The following FOCAD variants were observed in gnomAD, a reference collection of about 807,000 sequenced individuals.
FOCAD encodes the protein focadhesin.
Under a neutral mutation model 225.6 loss-of-function variants are expected in FOCAD, and 198 were observed. That is an observed-to-expected ratio of 0.88 (90% CI 0.78 to 0.99). FOCAD has a LOEUF of 0.99. FOCAD is among the 50% of genes least tolerant of loss of function. The pLI, the probability that FOCAD is intolerant of heterozygous loss-of-function variation, is 0.00. For missense variants in FOCAD, 2,713 were observed against 2,123.6 expected (o/e 1.28, Z -5.46); for synonymous variants, 897 against 755.0 (o/e 1.19, Z -3.08).
intron 22 of FOCAD, among the ~76,000 whole-genome samples, chr9:20,910,721 G>A (rs1025453228): frequency 1.3e-5 from 2 of 152,054 alleles, no homozygotes; most frequent in African/African-American, 4.8e-5. Context: ...AGATGACTGA[G>A]TTGAATGCTG....
chr9:20,707,044 T>G (rs1824448684), intron 1 of FOCAD, among the ~76,000 whole-genome samples: 1 of 152,212 alleles, frequency 6.6e-6, no homozygotes, highest in East Asian at 1.9e-4. Flanking sequence ...ATATTCTTAC[T>G]GTACCATATT....
chr9:20,771,186 A>G (rs1286513083), intron 8 of FOCAD, among the ~76,000 whole-genome samples: 1 of 152,200 alleles, frequency 6.6e-6, no homozygotes, highest in African/African-American at 2.4e-5. Context: ...GGCTTGGCTT[A>G]TTCAAAAAAA....
chr9:20,937,636 A>G (rs1483493351), intron 28 of FOCAD, among the ~76,000 whole-genome samples: 1 of 152,178 alleles, frequency 6.6e-6, no homozygotes, highest in Non-Finnish European at 1.5e-5. Context: ...CTAGACGAAA[A>G]CCTAGACAAT....
At chr9:20,915,911 G>A (rs1833829351) in intron 23 of FOCAD, among the ~76,000 whole-genome samples, 1 of 152,032 alleles carries the variant, frequency 6.6e-6, no homozygotes, top group Admixed American at 6.6e-5. Context: ...ACATTGAATG[G>A]ACTATATTCC....
At chr9:20,817,156 T>C (rs184733529) in intron 11 of FOCAD, among the ~76,000 whole-genome samples, 31 of 152,330 alleles carry the variant, frequency 2.0e-4, no homozygotes, top group Admixed American at 1.6e-3. Flanking sequence ...GCTTTGCTTA[T>C]AGTAGATATT....
intron 11 of FOCAD, among the ~76,000 whole-genome samples, chr9:20,804,617 T>G (rs1822209999): frequency 6.6e-6 from 1 of 151,660 alleles, no homozygotes; most frequent in Non-Finnish European, 1.5e-5. Flanking sequence ...GCAAAAAGTG[T>G]TATTACACTG....
intron 11 of FOCAD, among the ~76,000 whole-genome samples, chr9:20,795,519 C>A (rs143659693): frequency 1.3e-5 from 2 of 151,240 alleles, no homozygotes; most frequent in African/African-American, 4.9e-5. Context: ...GGCACGCTGG[C>A]TCATGCCTGT....
intron 19 of FOCAD, among the ~76,000 whole-genome samples, chr9:20,876,130 TG>T (rs1193377350): frequency 1.3e-5 from 2 of 152,190 alleles, no homozygotes; most frequent in Non-Finnish European, 2.9e-5. Flanking sequence ...GAAAACTGAA[TG>T]GCCAAGTTAG....
intron 10 of FOCAD, among the ~76,000 whole-genome samples, chr9:20,789,150 G>T (rs1350221013): frequency 1.3e-5 from 2 of 152,090 alleles, no homozygotes; most frequent in African/African-American, 2.4e-5. Flanking sequence ...CTCTTCTGGA[G>T]TTCCATCTAA....
At chr9:20,836,760 CTG>C (rs1262507621) in intron 15 of FOCAD, among the ~76,000 whole-genome samples, 2 of 151,792 alleles carry the variant, frequency 1.3e-5, no homozygotes, top group Non-Finnish European at 2.9e-5. Context: ...TTTTAACTGA[CTG>C]TGTTATTTTT....
rs377398329 is a variant in FOCAD at position 20,865,975 on chromosome 9, A to G, written c.2105A>G (p.Lys702Arg). 28 of 1,606,214 alleles carry G rather than the reference A, an allele frequency of 1.7e-5. No individual in the cohort carries two copies. Among genetic ancestry groups the G allele is most frequent in the Non-Finnish European group, 2.4e-5 (28 of 1,176,532 alleles). Residue 702 changes from lysine (K) to arginine (R), a missense_variant and splice_region_variant, in exon 17 of 44, where the codon AAG becomes AGG. Transcript: ENST00000338382. ...LSFLWTHTQN[K>R]DPIVANAAYR... is the part of the protein sequence containing the mutation. ...TTCCTCTGGACTCATACTCAAAACA[A>G]GGTACTATCACAAGGCTTGTCAGTG...
At chr9:20,932,864 G>A in intron 27 of FOCAD, 150 bp from the exon 28 acceptor site, 1 of 588,574 alleles carries the variant, frequency 1.7e-6, no homozygotes, top group Non-Finnish European at 3.0e-6. Flanking sequence ...TACCAAATAA[G>A]AATAGGCAAC....
intron 5 of FOCAD, among the ~76,000 whole-genome samples, chr9:20,756,232 C>T (rs952821492): frequency 5.9e-5 from 9 of 152,004 alleles, no homozygotes; most frequent in African/African-American, 2.2e-4. Flanking sequence ...CAGAAATAGC[C>T]TGTGCTTTAG....
intron 11 of FOCAD, among the ~76,000 whole-genome samples, chr9:20,818,683 A>G (rs1054411894): frequency 2.0e-5 from 3 of 151,958 alleles, no homozygotes; most frequent in African/African-American, 7.2e-5. Flanking sequence ...GATTATAAAT[A>G]TAAGTACTCA....
chr9:20,830,305 A>G (rs1825356383), intron 15 of FOCAD, among the ~76,000 whole-genome samples: 1 of 152,008 alleles, frequency 6.6e-6, no homozygotes, highest in African/African-American at 2.4e-5. Context: ...AGATGTTTTG[A>G]GCTAAAATAT....
chr9:20,927,519 T>C (rs1835071146), intron 26 of FOCAD, among the ~76,000 whole-genome samples: 1 of 152,104 alleles, frequency 6.6e-6, no homozygotes, highest in African/African-American at 2.4e-5. Context: ...AAAGTAATGT[T>C]GTTGATCATT....
upstream of FOCAD, chr9:20,683,653 T>A (rs1587209038): frequency 1.3e-5 from 2 of 152,160 alleles, no homozygotes; most frequent in South Asian, 4.1e-4. Context: ...GCAGAAACAC[T>A]TGGGCTAGAA....
At chr9:20,787,589 T>G (rs1820052852) in intron 10 of FOCAD, among the ~76,000 whole-genome samples, 1 of 152,204 alleles carries the variant, frequency 6.6e-6, no homozygotes, top group African/African-American at 2.4e-5. Context: ...TATTTAATTT[T>G]TAAAATTTGT....
intron 1 of FOCAD, among the ~76,000 whole-genome samples, chr9:20,714,634 G>GCCTGCCTGCCCTCCTT (rs1270720981): frequency 8.3e-6 from 1 of 120,066 alleles, no homozygotes; most frequent in African/African-American, 3.7e-5. Flanking sequence ...CTGCCTGCCT[G>GCCTGCCTGCCCTCCTT]CCTTCCTTCC....
Sources: gnomAD v4.1 joint callset for allele counts (sites outside exome capture counted in the v4.1 genomes callset) on GRCh38, gnomAD v4.1.1 for gene constraint, MANE v1.5 for transcripts, NCBI Gene and HGNC (gene_info 2026-07-23, HGNC 2026-07-21) for gene names.